Variants in OPCML observed in about 807,000 individuals in gnomAD.
OPCML encodes opioid binding protein/cell adhesion molecule like.
In OPCML, 13 loss-of-function variants were observed where a neutral mutation model predicts 37.8. That is an observed-to-expected ratio of 0.34 (90% CI 0.22 to 0.55). OPCML has a LOEUF of 0.55. OPCML is among the 20% of genes least tolerant of loss of function. The probability of loss-of-function intolerance (pLI) is 0.91; values close to 1 mark genes in which losing one functional copy is unlikely to be tolerated. For missense variants in OPCML, 341 were observed against 435.6 expected, an observed-to-expected ratio of 0.78 and a Z score of 1.93; for synonymous variants, 176 against 168.8, an observed-to-expected ratio of 1.04 and a Z score of -0.33.
At chr11:132,638,993 G>T (rs1028676458) in intron 3 of OPCML, among the ~76,000 whole-genome samples, 1 of 152,142 alleles carries the variant, frequency 6.6e-6, no homozygotes. Context: ...GGTGACTACA[G>T]ATACTGGAGC....
intron 4 of OPCML, among the ~76,000 whole-genome samples, chr11:132,473,624 G>A (rs546938840): frequency 6.6e-6 from 1 of 152,120 alleles, no homozygotes; most frequent in African/African-American, 2.4e-5. Flanking sequence ...CTGGGAGTTC[G>A]AGACCAGCCT....
intron 1 of OPCML, among the ~76,000 whole-genome samples, chr11:133,409,811 T>A (rs1945605804): frequency 6.6e-6 from 1 of 152,046 alleles, no homozygotes; most frequent in African/African-American, 2.4e-5. Flanking sequence ...GGTAAAGAAA[T>A]GAAGAACATC....
At chr11:132,834,844 G>A (rs1342918132) in intron 2 of OPCML, among the ~76,000 whole-genome samples, 1 of 152,044 alleles carries the variant, frequency 6.6e-6, no homozygotes, top group Non-Finnish European at 1.5e-5. Context: ...ATAACACCTT[G>A]GTAGCTGAAA....
intron 1 of OPCML, among the ~76,000 whole-genome samples, chr11:132,965,509 G>T (rs146875622): frequency 6.6e-6 from 1 of 151,460 alleles, no homozygotes. Flanking sequence ...TATTTTTGTC[G>T]TTGTTGTTGT....
At chr11:133,248,933 G>C (rs1490449075) in intron 1 of OPCML, among the ~76,000 whole-genome samples, 1 of 152,214 alleles carries the variant, frequency 6.6e-6, no homozygotes, top group Non-Finnish European at 1.5e-5. Context: ...AGATTAAAGT[G>C]ATCTGTGTCA....
rs188575930 is a variant in OPCML, at chr11:133,388,036, C to A, written c.61+144228G>T. 2.3e-3 allele frequency among the ~76,000 whole-genome samples: 344 copies of A among 152,204 alleles called. 1 individual carries two copies. The highest frequency in any genetic ancestry group is 7.8e-3 in the African/African-American group (325 of 41,524). Reference sequence around the variant, plus strand: ...CTTTGGAGGGGCAGATCGTATGGGGCCCTTGAGTCTGCCCATGGGTTTTAT... The same window carrying A: ...CTTTGGAGGGGCAGATCGTATGGGGACCTTGAGTCTGCCCATGGGTTTTAT... On this transcript the variant is annotated intron_variant, in intron 1 of 7. Coordinates refer to ENST00000524381, the MANE Select transcript of OPCML (RefSeq NM_001012393.5).
chr11:132,469,732 ATG>A (rs1230279867), intron 4 of OPCML, among the ~76,000 whole-genome samples: 2 of 85,178 alleles, frequency 2.3e-5, no homozygotes, highest in African/African-American at 9.6e-5. Flanking sequence ...GTGTGTGTGT[ATG>A]TGTGTGTATG....
intron 3 of OPCML, among the ~76,000 whole-genome samples, chr11:132,587,466 CAGTT>C (rs2096475417): frequency 6.6e-6 from 1 of 152,206 alleles, no homozygotes; most frequent in African/African-American, 2.4e-5. Flanking sequence ...GCTGCACAAT[CAGTT>C]AGCACATTTA....
chr11:133,482,295 CA>C (rs2120356212), intron 1 of OPCML, among the ~76,000 whole-genome samples: 1 of 152,304 alleles, frequency 6.6e-6, no homozygotes, highest in Admixed American at 6.5e-5. Flanking sequence ...AGTTTGAAAT[CA>C]GACGTCCTGC....
At chr11:133,025,121 G>A in intron 1 of OPCML, 1 of 689,354 alleles carries the variant, frequency 1.5e-6, no homozygotes, top group African/African-American at 1.9e-5. Context: ...AGGAAAATGG[G>A]ATTGATTTGG....
chr11:133,488,052 G>A (rs1947568271), intron 1 of OPCML, among the ~76,000 whole-genome samples: 1 of 151,940 alleles, frequency 6.6e-6, no homozygotes, highest in Non-Finnish European at 1.5e-5. Flanking sequence ...GCAGAAAAGG[G>A]TAAAATTCAG....
At chr11:133,490,673 A>G (rs1359809028) in intron 1 of OPCML, among the ~76,000 whole-genome samples, 1 of 152,162 alleles carries the variant, frequency 6.6e-6, no homozygotes, top group Non-Finnish European at 1.5e-5. Context: ...TTCCAACTCA[A>G]CAAGAATAAA....
chr11:133,397,204 T>C (rs975145392), intron 1 of OPCML, among the ~76,000 whole-genome samples: 1 of 152,222 alleles, frequency 6.6e-6, no homozygotes, highest in Non-Finnish European at 1.5e-5. Context: ...CTTCCCCAGT[T>C]GGGCTGGATC....
At chr11:132,977,277 T>G (rs1283730773) in intron 1 of OPCML, among the ~76,000 whole-genome samples, 1 of 152,246 alleles carries the variant, frequency 6.6e-6, no homozygotes, top group Non-Finnish European at 1.5e-5. Flanking sequence ...CCCTGATTGC[T>G]AAGCTATTCA....
intron 2 of OPCML, among the ~76,000 whole-genome samples, chr11:132,923,120 G>A (rs556438785): frequency 3.4e-4 from 52 of 150,892 alleles, no homozygotes; most frequent in African/African-American, 9.0e-4. Context: ...TAATATGGCC[G>A]GATAACCTGC....
chr11:133,101,360 G>A (rs941461959), intron 1 of OPCML, among the ~76,000 whole-genome samples: 2 of 152,150 alleles, frequency 1.3e-5, no homozygotes, highest in African/African-American at 2.4e-5. Flanking sequence ...CACAAACTGG[G>A]AGAAAATATT....
intron 2 of OPCML, among the ~76,000 whole-genome samples, chr11:132,816,297 T>C (rs753208901): frequency 5.9e-5 from 9 of 152,180 alleles, no homozygotes; most frequent in African/African-American, 1.9e-4. Flanking sequence ...ATAAATCCTT[T>C]GGCTTTGAGG....
intron 1 of OPCML, among the ~76,000 whole-genome samples, chr11:133,311,862 A>G (rs60689595): frequency 0.015 from 2,348 of 152,290 alleles, 67 homozygotes; most frequent in African/African-American, 0.053. Context: ...ACAGCTGGGC[A>G]TTTCTGACAG....
intron 1 of OPCML, among the ~76,000 whole-genome samples, chr11:133,189,213 T>G (rs1317842899): frequency 1.3e-5 from 2 of 152,168 alleles, no homozygotes; most frequent in African/African-American, 4.8e-5. Context: ...GCTAAATAAA[T>G]AAATGAAATC....
Sources: allele counts gnomAD v4.1 joint callset (sites outside exome capture counted in the v4.1 genomes callset), GRCh38; gene constraint gnomAD v4.1.1; transcripts MANE v1.5; gene names NCBI Gene and HGNC (gene_info 2026-07-23, HGNC 2026-07-21).